Variants in GRXCR1 observed in about 807,000 individuals in gnomAD.
The protein encoded by GRXCR1 is glutaredoxin domain-containing cysteine-rich protein 1.
Under a neutral mutation model 27.3 loss-of-function variants are expected in GRXCR1, and 27 were observed. The observed-to-expected ratio is 0.99, with a 90% confidence interval of 0.73 to 1.37. The LOEUF (loss-of-function observed/expected upper bound fraction) is 1.37. Ranked by LOEUF, GRXCR1 falls within the 40% of genes most tolerant of loss-of-function variation. The probability of loss-of-function intolerance (pLI) is 0.00; values close to 1 mark genes in which losing one functional copy is unlikely to be tolerated. For missense variants in GRXCR1, 379 were observed against 354.4 expected, an observed-to-expected ratio of 1.07 and a Z score of -0.56; for synonymous variants, 122 against 131.1, an observed-to-expected ratio of 0.93 and a Z score of 0.47.
intron 2 of GRXCR1, among the ~76,000 whole-genome samples, chr4:42,994,259 G>A (rs1025686524): frequency 1.8e-4 from 28 of 152,114 alleles, no homozygotes; most frequent in African/African-American, 6.8e-4. Context: ...GGTCTTAGGT[G>A]AAAAGTCATT....
intron 1 of GRXCR1, among the ~76,000 whole-genome samples, chr4:42,958,428 A>G (rs1016464971): frequency 1.3e-5 from 2 of 151,996 alleles, no homozygotes; most frequent in African/African-American, 2.4e-5. Context: ...TAAAGATCTA[A>G]GTATATGACC....
chr4:42,955,658 A>G lies in GRXCR1; in HGVS notation c.385-7234A>G, dbSNP rs113799756. Among the ~76,000 whole-genome samples, 505 of 152,300 alleles carry G rather than the reference A, an allele frequency of 3.3e-3. 5 individuals are homozygous for G. The highest frequency in any genetic ancestry group is 1.0e-2 in the African/African-American group (415 of 41,574). On this transcript the variant is annotated intron_variant, in intron 1 of 3. Transcript: ENST00000399770. ...AAGTTATTGTGAGGAATTGATGAAT[A>G]TAAAGTTATTAGCATTATGTCTGCC...
At chr4:42,989,017 C>CTGT (rs1711870974) in intron 2 of GRXCR1, among the ~76,000 whole-genome samples, 1 of 152,198 alleles carries the variant, frequency 6.6e-6, no homozygotes, top group Admixed American at 6.5e-5. Flanking sequence ...CACCCACAGG[C>CTGT]TGTTCTCTGT....
intron 2 of GRXCR1, among the ~76,000 whole-genome samples, chr4:42,974,035 A>G (rs1168296274): frequency 6.6e-6 from 1 of 152,150 alleles, no homozygotes; most frequent in Non-Finnish European, 1.5e-5. Context: ...CCAACGTTTC[A>G]TATGGCCACT....
At chr4:42,972,422 C>T (rs1461611483) in intron 2 of GRXCR1, among the ~76,000 whole-genome samples, 1 of 152,098 alleles carries the variant, frequency 6.6e-6, no homozygotes, top group Non-Finnish European at 1.5e-5. Flanking sequence ...AGTGTTTGTT[C>T]TGGCCTTCAG....
intron 1 of GRXCR1, among the ~76,000 whole-genome samples, chr4:42,930,348 C>T (rs1369687967): frequency 1.3e-5 from 2 of 151,984 alleles, no homozygotes; most frequent in East Asian, 3.9e-4. Flanking sequence ...TTCCCTCTTT[C>T]TTTAGATTCT....
intron 1 of GRXCR1, among the ~76,000 whole-genome samples, chr4:42,898,466 A>G (rs183424546): frequency 6.6e-6 from 1 of 152,128 alleles, no homozygotes. Context: ...GTGTTAACAC[A>G]CCTTTCCAGC....
chr4:42,937,441 G>C (rs1450934), intron 1 of GRXCR1, among the ~76,000 whole-genome samples: 25,444 of 151,784 alleles, frequency 0.17, 2,424 homozygotes, highest in South Asian at 0.3. Context: ...AGCCAAGAGA[G>C]CTAAGTGTGT....
In GRXCR1 at chr4:43,029,798, G is replaced by C. The variant is rs557490817; in HGVS notation, c.694-563G>C. 2.6e-5 allele frequency among the ~76,000 whole-genome samples: 4 copies of C among 152,290 alleles called. No individual in the cohort carries two copies. In the South Asian group the frequency reaches 8.3e-4, roughly 32 times the overall value. On this transcript the variant is annotated intron_variant, in intron 3 of 3. Transcript: ENST00000399770. ...GAAAAAGGTGTTTGTATGTGTACTT[G>C]TTAGGGTGGGTGAAGATTCTATACA...
At position 42,960,576 on chromosome 4, in the gene GRXCR1, A is replaced by G. The variant is rs546199166; in HGVS notation, c.385-2316A>G. 1.1e-4 allele frequency among the ~76,000 whole-genome samples: 17 copies of G among 151,932 alleles called. No homozygotes were observed. The South Asian group carries it at 3.5e-3, about 31-fold the overall frequency. On this transcript the variant is annotated intron_variant, in intron 1 of 3. Coordinates refer to ENST00000399770, the MANE Select transcript of GRXCR1 (RefSeq NM_001080476.3). ...TTTTTTTAATCTTAAAAATTCCACG[A>G]TGTGAAGTGCAATATTTTTCTCTGC...
At chr4:42,968,013 T>A (rs1303498138) in intron 2 of GRXCR1, among the ~76,000 whole-genome samples, 1 of 152,150 alleles carries the variant, frequency 6.6e-6, no homozygotes, top group African/African-American at 2.4e-5. Flanking sequence ...CCTTGAGTGG[T>A]TTTCTTAGAT....
chr4:43,013,836 G>A (rs879613115), intron 2 of GRXCR1, among the ~76,000 whole-genome samples: 10 of 152,058 alleles, frequency 6.6e-5, no homozygotes, highest in Admixed American at 6.6e-4. Context: ...GAAGGAATGG[G>A]AGAGATGGCT....
intron 1 of GRXCR1, among the ~76,000 whole-genome samples, chr4:42,926,790 A>T (rs1747168118): frequency 6.6e-6 from 1 of 151,974 alleles, no homozygotes; most frequent in African/African-American, 2.4e-5. Flanking sequence ...AGATGTTTTT[A>T]ATCATCCAAC....
At chr4:43,024,955 A>C (rs763762591) in intron 3 of GRXCR1, among the ~76,000 whole-genome samples, 1 of 152,184 alleles carries the variant, frequency 6.6e-6, no homozygotes, top group African/African-American at 2.4e-5. Context: ...CCTCTTTGAT[A>C]GGATACTTAA....
Position 42,906,501 on chromosome 4 carries a change from C to G in GRXCR1, c.384+12851C>G, listed in dbSNP as rs1376386821. On this transcript the variant is annotated intron_variant, in intron 1 of 3. Coordinates refer to ENST00000399770, the MANE Select transcript of GRXCR1 (RefSeq NM_001080476.3). ...TCTTTGCCTGGGATGCCAGTCACCT[C>G]AGGGGCTCCACAGTTAGTGAGCTGG... Among the ~76,000 whole-genome samples the G allele has an allele frequency of 2.0e-5, 3 of 152,130 alleles. No homozygotes were observed. The East Asian group carries it at 5.8e-4, about 29-fold the overall frequency.
chr4:43,001,311 C>T (rs1712349278), intron 2 of GRXCR1, among the ~76,000 whole-genome samples: 1 of 152,006 alleles, frequency 6.6e-6, no homozygotes, highest in South Asian at 2.1e-4. Flanking sequence ...TTTAAATTCA[C>T]CTTGGGCAAG....
chr4:43,021,057 C>G (rs944717552), intron 3 of GRXCR1, among the ~76,000 whole-genome samples: 1 of 152,146 alleles, frequency 6.6e-6, no homozygotes, highest in East Asian at 1.9e-4. Flanking sequence ...TCTGGGACAG[C>G]AAATGTGAAA....
intron 1 of GRXCR1, among the ~76,000 whole-genome samples, chr4:42,932,031 C>T (rs185410033): frequency 5.3e-5 from 8 of 151,988 alleles, no homozygotes; most frequent in African/African-American, 7.2e-5. Context: ...GCAAACAGCA[C>T]GGAAAAGACC....
chr4:43,030,317 A>C (rs774476561), intron 3 of GRXCR1, 44 bp from the exon 4 acceptor site: 1 of 1,582,828 alleles, frequency 6.3e-7, no homozygotes, highest in Non-Finnish European at 8.7e-7. Context: ...TGTTCATGCT[A>C]ACACATCCTC....
Sources: gnomAD v4.1 joint callset for allele counts (sites outside exome capture counted in the v4.1 genomes callset) on GRCh38, gnomAD v4.1.1 for gene constraint, MANE v1.5 for transcripts, NCBI Gene and HGNC (gene_info 2026-07-23, HGNC 2026-07-21) for gene names.